Variants in TBX3 observed in about 807,000 individuals in gnomAD.
TBX3 encodes T-box transcription factor 3.
TBX3 carries 11 observed loss-of-function variants against 47.8 expected under a neutral mutation model. That is an observed-to-expected ratio of 0.23 (90% CI 0.14 to 0.38). The LOEUF (loss-of-function observed/expected upper bound fraction) is 0.38, where lower values mean the gene tolerates loss of function less well. Ranked by LOEUF, TBX3 falls within the 10% of genes least tolerant of loss-of-function variation. The pLI is 1.00. For synonymous variants in TBX3, 500 were observed against 449.3 expected (o/e 1.11, Z -1.43); for missense variants, 927 against 1,022.8 (o/e 0.91, Z 1.28).
intron 3 of TBX3, among the ~76,000 whole-genome samples, chr12:114,678,266 T>C (rs971702264): frequency 1.3e-5 from 2 of 152,228 alleles, no homozygotes; most frequent in Non-Finnish European, 2.9e-5. Flanking sequence ...AGAAGGCCCA[T>C]GGCCTTTTTG....
chr12:114,677,536 A>G (rs1317183086), intron 4 of TBX3, 44 bp downstream of exon 4: 3 of 1,592,960 alleles, frequency 1.9e-6, no homozygotes, highest in East Asian at 2.2e-5. Context: ...TCCTAAAAAA[A>G]GGGATTTTTC....
chr12:114,683,369 T>C lies in TBX3; in HGVS notation c.-169A>G. 1.1e-6 allele frequency: 1 copy of C among 875,918 alleles called. No individual in the cohort carries two copies. The highest frequency in any genetic ancestry group is 1.7e-6 in the Non-Finnish European group (1 of 589,242). The allele number at this position is 875,918 out of a possible 1,614,324, so 54.3% of individuals were successfully genotyped here. Reference sequence around the variant, plus strand: ...AGGCAGAAATCACAACTAATGCACTTCAAAGGGAGGAGGGGAAGTGTCTTT... The same window carrying C: ...AGGCAGAAATCACAACTAATGCACTCCAAAGGGAGGAGGGGAAGTGTCTTT... On this transcript the variant is annotated 5_prime_UTR_variant, in exon 1 of 7. Coordinates refer to ENST00000349155, the MANE Select transcript of TBX3 (RefSeq NM_005996.4). This position sits in a 1 kb window ranked among gnomAD's most constrained non-coding sequence, Gnocchi z 7.7.
intron 3 of TBX3, among the ~76,000 whole-genome samples, chr12:114,678,611 G>A (rs977572870): frequency 1.3e-5 from 2 of 152,206 alleles, no homozygotes; most frequent in Non-Finnish European, 2.9e-5. Context: ...CAAGGACAGT[G>A]ACAATGACAG....
rs763217948 is a variant in TBX3 at position 114,670,767 on chromosome 12, T to C, written c.*1074A>G. 7.5e-5 allele frequency: 16 copies of C among 213,470 alleles called. No homozygotes were observed. The highest frequency in any genetic ancestry group is 1.4e-4 in the Non-Finnish European group (15 of 105,762). The allele number at this position is 213,470 out of a possible 1,614,324, so 13.2% of individuals were successfully genotyped here. ...TGTTTTCTAGTGTTAACAGCAATTCTGTGACCTGGAAATAAACCCAACTAA... is the reference window on the plus strand; with the variant it reads ...TGTTTTCTAGTGTTAACAGCAATTCCGTGACCTGGAAATAAACCCAACTAA... On this transcript the variant is annotated 3_prime_UTR_variant, in exon 7 of 7. Coordinates refer to ENST00000349155, the MANE Select transcript of TBX3 (RefSeq NM_005996.4).
Position 114,676,400 on chromosome 12 carries a change from C to T in TBX3, c.952G>A (p.Glu318Lys), listed in dbSNP as rs1456819388. Reference protein sequence around the residue: ...RHKKENGTSDESSSEQAAFNC... With the variant: ...RHKKENGTSDKSSSEQAAFNC... ...AAAGCTGCTTGTTCACTGGAGGACT[C>T]ATCAGAGGTCCCATTCTCCTTTTTG... is the stretch of plus-strand genomic sequence containing the variant. Residue 318 changes from glutamate (E) to lysine (K), a missense_variant, in exon 5 of 7, where the codon GAG (glutamate) becomes AAG (lysine). Physicochemically the swap from Glu to Lys is moderately conservative, Grantham distance 56. Coordinates refer to ENST00000349155, the MANE Select transcript of TBX3 (RefSeq NM_005996.4). 6.2e-7 allele frequency: 1 copy of T among 1,614,224 alleles called. No homozygotes were observed. Among genetic ancestry groups the T allele is most frequent in the Non-Finnish European group, 8.5e-7 (1 of 1,180,030 alleles).
chr12:114,676,968 A>C (rs1325868551), intron 4 of TBX3, among the ~76,000 whole-genome samples: 1 of 152,062 alleles, frequency 6.6e-6, no homozygotes, highest in African/African-American at 2.4e-5. Context: ...TTACTAACAA[A>C]TTAATTGGAA....
intron 4 of TBX3, among the ~76,000 whole-genome samples, chr12:114,677,021 C>T (rs1166249384): frequency 6.6e-6 from 1 of 151,948 alleles, no homozygotes; most frequent in Non-Finnish European, 1.5e-5. Context: ...TTAATGCCCG[C>T]CCCAAGGGGA....
chr12:114,680,290 T>C, intron 2 of TBX3: 1 of 399,904 alleles, frequency 2.5e-6, no homozygotes, highest in Non-Finnish European at 4.6e-6. Context: ...GCAATGAAAG[T>C]TTTCTAAGTT....
chr12:114,673,342 AC>A (rs1392893122), intron 6 of TBX3, among the ~76,000 whole-genome samples: 1 of 152,034 alleles, frequency 6.6e-6, no homozygotes, highest in African/African-American at 2.4e-5. Flanking sequence ...ACCTCATAGA[AC>A]CTTTTCATCG....
In TBX3 at chr12:114,674,817, C is replaced by A. The variant is rs769194863; in HGVS notation, c.1058G>T (p.Gly353Val). 1 of 1,574,220 alleles carries A rather than the reference C, an allele frequency of 6.4e-7. No homozygotes were observed. The highest frequency in any genetic ancestry group is 8.6e-7 in the Non-Finnish European group (1 of 1,166,260). ...SNLKDLCPSE[G>V]ESDAEAESKE... Reference sequence around the variant, plus strand: ...GCTCTCGGCCTCGGCGTCGCTCTCACCCTCGCTGGGACATAAATCTACCAC... The same window carrying A: ...GCTCTCGGCCTCGGCGTCGCTCTCAACCTCGCTGGGACATAAATCTACCAC... The change falls in exon 6 of 7, where the codon GGT becomes GTT. Residue 353 changes from glycine to valine, a missense_variant. Physicochemically the swap from Gly to Val is moderately radical, Grantham distance 109. Around this residue, in one of 5 missense-constraint regions of TBX3, gnomAD observed 623 missense variants for 569.0 expected, o/e 1.09. Coordinates refer to ENST00000349155, the MANE Select transcript of TBX3 (RefSeq NM_005996.4).
chr12:114,674,774 G>A lies in TBX3; in HGVS notation c.1101C>T (p.Pro367=), dbSNP rs761242306. The change falls in exon 6 of 7, where the codon CCC becomes CCT. Residue 367 remains proline, a synonymous_variant. Transcript: ENST00000349155. ...AGATCTTGGCCGCGTCGCAGGCCTC[G>A]GGGCCATGCTCCTCTTTGCTCTCGG... The part of the protein sequence containing the change: ...AEAESKEEHG[P]EACDAAKIST... 2.1e-5 allele frequency: 33 copies of A among 1,586,668 alleles called. No homozygotes were observed. Among genetic ancestry groups the A allele is most frequent in the African/African-American group, 6.7e-5 (5 of 74,520 alleles).
In TBX3 at chr12:114,683,229, C is replaced by A. The variant is rs56112787; in HGVS notation, c.-29G>T. 5.5e-3 allele frequency: 8,811 copies of A among 1,605,572 alleles called. 113 individuals carry two copies. The highest frequency in any genetic ancestry group is 0.042 in the East Asian group (1,883 of 44,638). On this transcript the variant is annotated 5_prime_UTR_variant, in exon 1 of 7. Transcript: ENST00000349155. This position sits in a 1 kb window ranked among gnomAD's most constrained non-coding sequence, Gnocchi z 7.7. Reference sequence around the variant, plus strand: ...CTCCAGGCGGGGCGCTGGGCTCCAGCCGGGGACAAGTCCGCAGCTGCTGTG... The same window carrying A: ...CTCCAGGCGGGGCGCTGGGCTCCAGACGGGGACAAGTCCGCAGCTGCTGTG...
Position 114,674,442 on chromosome 12 carries a change from A to T in TBX3, c.1433T>A (p.Leu478Gln), listed in dbSNP as rs1381252826. 1 of 1,547,804 alleles carries T rather than the reference A, an allele frequency of 6.5e-7. No individual in the cohort carries two copies. The highest frequency in any genetic ancestry group is 8.7e-7 in the Non-Finnish European group (1 of 1,145,942). The change falls in exon 6 of 7, where the codon CTG (leucine) becomes CAG (glutamine). Residue 478 changes from leucine to glutamine, a missense_variant. Transcript: ENST00000349155. Reference protein sequence around the residue: ...AAAAHLAQGPLPGLGFAPGLA... With the variant: ...AAAAHLAQGPQPGLGFAPGLA... ...GCCCGGGGCGAAGCCGAGGCCAGGC[A>T]GGGGGCCCTGGGCCAGGTGCGCGGC...
In TBX3 at chr12:114,676,394, AG is replaced by A. The variant is rs1868714540; in HGVS notation, c.957del (p.Ser320ProfsTer21). 1 of 1,614,112 alleles carries A rather than the reference AG, an allele frequency of 6.2e-7. No homozygotes were observed. On this transcript the variant is annotated frameshift_variant, in exon 5 of 7. Coordinates refer to ENST00000349155, the MANE Select transcript of TBX3 (RefSeq NM_005996.4). LOFTEE classifies it high-confidence loss of function. ...HKKENGTSDE[S>X]SSEQAAFNCF... Reference sequence around the variant, plus strand: ...CAGTTGAAAGCTGCTTGTTCACTGGAGGACTCATCAGAGGTCCCATTCTCCT... The same window carrying A: ...CAGTTGAAAGCTGCTTGTTCACTGGAGACTCATCAGAGGTCCCATTCTCCT...
In TBX3 at chr12:114,672,200, G is replaced by A. The variant is rs773785943; in HGVS notation, c.1813C>T (p.Arg605Cys). 1.9e-6 allele frequency: 3 copies of A among 1,571,234 alleles called. No individual in the cohort carries two copies. The highest frequency in any genetic ancestry group is 1.7e-6 in the Non-Finnish European group (2 of 1,159,066). ...GTGTTCAGATTGAGGAAGGGGTGGC[G>A]GTGCACCGAGCTGGAGGCTGCCGCA... Reference protein sequence around the residue: ...SSAAASSSVHRHPFLNLNTMR... With the variant: ...SSAAASSSVHCHPFLNLNTMR... The change falls in exon 7 of 7, where the codon CGC (arginine) becomes TGC (cysteine). Residue 605 changes from arginine to cysteine, a missense_variant. Arg to Cys is a radical substitution (Grantham distance 180). Transcript: ENST00000349155.
intron 6 of TBX3, among the ~76,000 whole-genome samples, chr12:114,673,150 C>T (rs534432447): frequency 6.6e-6 from 1 of 152,322 alleles, no homozygotes; most frequent in African/African-American, 2.4e-5. Context: ...CACCTGCCCA[C>T]CTAGGACAGG....
At position 114,671,938 on chromosome 12, in the gene TBX3, G is replaced by T. The variant is rs750109853; in HGVS notation, c.2075C>A (p.Ala692Glu). Reference sequence around the variant, plus strand: ...TTCGCTGGTGGCCGCCTCTTTCTCCGCGCAGAGTTTGGGCGACAAGGACAT... The same window carrying T: ...TTCGCTGGTGGCCGCCTCTTTCTCCTCGCAGAGTTTGGGCGACAAGGACAT... ...SSMSLSPKLC[A>E]EKEAATSELQ... Residue 692 changes from alanine to glutamate, a missense_variant, in exon 7 of 7, where the codon GCG becomes GAG. Transcript: ENST00000349155. 2.5e-6 allele frequency: 4 copies of T among 1,593,458 alleles called. No individual in the cohort carries two copies. The highest frequency in any genetic ancestry group is 3.4e-6 in the Non-Finnish European group (4 of 1,170,192).
chr12:114,682,976 G>T lies in TBX3; in HGVS notation c.225C>A (p.Gly75=). ...GGGGCCCCAGGGAGGAGAACGGGATGCCGGTCTCGGCCGCCCCCACCAATT... is the reference window on the plus strand; with the variant it reads ...GGGGCCCCAGGGAGGAGAACGGGATTCCGGTCTCGGCCGCCCCCACCAATT... ...MDQLVGAAET[G]IPFSSLGPQA... Residue 75 remains glycine (G), a synonymous_variant, in exon 1 of 7, where the codon GGC becomes GGA. Transcript: ENST00000349155. 1 of 1,614,098 alleles carries T rather than the reference G, an allele frequency of 6.2e-7. No homozygotes were observed. Among genetic ancestry groups the T allele is most frequent in the African/African-American group, 1.3e-5 (1 of 75,054 alleles).
rs760101710 is a variant in TBX3, at chr12:114,680,975, G to C, written c.561C>G (p.His187Gln). ...DPEMPKRMYI[H>Q]PDSPATGEQW... is the part of the protein sequence containing the mutation. ...GTTCCCCAGTAGCGGGGCTGTCCGG[G>C]TGAATGTACATCCTCTTTGGCATTT... Residue 187 changes from histidine (H) to glutamine (Q), a missense_variant, in exon 2 of 7, where the codon CAC becomes CAG. By Grantham distance (24) the His-to-Gln change is conservative. Coordinates refer to ENST00000349155, the MANE Select transcript of TBX3 (RefSeq NM_005996.4). 1.2e-6 allele frequency: 2 copies of C among 1,614,112 alleles called. No homozygotes were observed. Among genetic ancestry groups the C allele is most frequent in the Non-Finnish European group, 1.7e-6 (2 of 1,180,012 alleles).
Sources: gnomAD v4.1 joint callset for allele counts (sites outside exome capture counted in the v4.1 genomes callset) on GRCh38, gnomAD v4.1.1 for gene constraint, gnomAD v4.1.1 regional missense constraint, Gnocchi (gnomAD v3.1) non-coding constraint, MANE v1.5 for transcripts, NCBI Gene and HGNC (gene_info 2026-07-23, HGNC 2026-07-21) for gene names.